Variants in SMC5 observed in about 807,000 individuals in gnomAD.
The protein encoded by SMC5 is structural maintenance of chromosomes 5.
In SMC5, 88 loss-of-function variants were observed where a neutral mutation model predicts 148.3. The observed-to-expected ratio is 0.59, with a 90% CI of 0.50 to 0.71. The LOEUF (loss-of-function observed/expected upper bound fraction) is 0.71, where lower values mean the gene tolerates loss of function less well. Ranked by LOEUF, SMC5 falls within the 30% of genes least tolerant of loss-of-function variation. The pLI, the probability that SMC5 is intolerant of heterozygous loss-of-function variation, is 0.00. For synonymous variants in SMC5, 421 were observed against 432.8 expected, an observed-to-expected ratio of 0.97 and a Z score of 0.34; for missense variants, 1,142 against 1,298.9, an observed-to-expected ratio of 0.88 and a Z score of 1.86.
chr9:70,261,348 A>G (rs1169934466), intron 1 of SMC5, among the ~76,000 whole-genome samples: 1 of 152,202 alleles, frequency 6.6e-6, no homozygotes, highest in Non-Finnish European at 1.5e-5. Flanking sequence ...CAAAAAGACA[A>G]TACGAAGGCA....
At chr9:70,344,031 T>A in intron 17 of SMC5, 113 bp from the exon 18 acceptor site, 2 of 612,232 alleles carry the variant, frequency 3.3e-6, no homozygotes, top group Non-Finnish European at 4.9e-6. Context: ...TTTCAGATAA[T>A]TTGATTATCA....
chr9:70,342,041 A>G (rs970098659), intron 17 of SMC5, among the ~76,000 whole-genome samples: 4 of 150,220 alleles, frequency 2.7e-5, no homozygotes, highest in African/African-American at 9.8e-5. Flanking sequence ...CATATACACC[A>G]TGGAATACTA....
Position 70,286,262 on chromosome 9 carries a change from A to C in SMC5, c.1044A>C (p.Lys348Asn). The C allele has an allele frequency of 3.1e-6, 5 of 1,598,758 alleles. No individual in the cohort carries two copies. Among genetic ancestry groups the C allele is most frequent in the Non-Finnish European group, 4.3e-6 (5 of 1,168,952 alleles). The change falls in exon 8 of 25, where the codon AAA becomes AAC. Residue 348 changes from lysine (K) to asparagine (N), a missense_variant. Around this residue, in one of 5 missense-constraint regions of SMC5, gnomAD observed 743 missense variants for 835.7 expected, o/e 0.89. Coordinates refer to ENST00000361138, the MANE Select transcript of SMC5 (RefSeq NM_015110.4). ...AGAAGCAAGATGTTATAGAAAGGAA[A>C]GATAAACATGTAAGGTTTCATACTA... ...CKQKQDVIER[K>N]DKHIEELQQA...
chr9:70,319,118 T>C (rs1295016207), intron 15 of SMC5, among the ~76,000 whole-genome samples, 155 bp downstream of exon 15: 2 of 152,218 alleles, frequency 1.3e-5, no homozygotes, highest in East Asian at 1.9e-4. Context: ...TTTTATTCCA[T>C]AGGGCAAAAG....
In SMC5 at chr9:70,297,950, A is replaced by G. The variant is rs2035245619; in HGVS notation, c.1054-16A>G. ...GGAAAACAGTCTCAAGTACTAACCT[A>G]CTTTTGTTTTATTAGATTGAGGAAC... On this transcript the variant is annotated splice_polypyrimidine_tract_variant and intron_variant, in intron 8 of 24. Transcript: ENST00000361138. 6 of 1,605,860 alleles carry G rather than the reference A, an allele frequency of 3.7e-6. No homozygotes were observed. Among genetic ancestry groups the G allele is most frequent in the Non-Finnish European group, 5.1e-6 (6 of 1,177,618 alleles).
At position 70,280,195 on chromosome 9, in the gene SMC5, A is replaced by C. The variant is rs1378882167; in HGVS notation, c.679-564A>C. Among the ~76,000 whole-genome samples, 5 of 152,048 alleles carry C rather than the reference A, an allele frequency of 3.3e-5. No individual in the cohort carries two copies. The East Asian group carries it at 9.6e-4, about 29-fold the overall frequency. ...AGTTTCACTTGAAACACTCACCTAC[A>C]CTCTTGACCATCCGCTGAAAGAAAA... is the stretch of plus-strand genomic sequence containing the variant. On this transcript the variant is annotated intron_variant, in intron 5 of 24. Transcript: ENST00000361138.
intron 15 of SMC5, among the ~76,000 whole-genome samples, chr9:70,322,085 G>T (rs749890064): frequency 2.0e-5 from 3 of 152,032 alleles, no homozygotes; most frequent in Admixed American, 6.6e-5. Flanking sequence ...AGGAAGATTT[G>T]TTCTTTGTTG....
chr9:70,346,362 T>C, intron 18 of SMC5: 1 of 559,518 alleles, frequency 1.8e-6, no homozygotes, highest in East Asian at 2.9e-5. Flanking sequence ...ATGTAGTATA[T>C]AGCCTTTGCA....
intron 4 of SMC5, 97 bp from the exon 5 acceptor site, chr9:70,278,394 G>A: frequency 8.5e-7 from 1 of 1,176,976 alleles, no homozygotes. Flanking sequence ...TTTTTTTAAT[G>A]AGTTTCACCT....
chr9:70,312,376 C>A (rs902113163), intron 11 of SMC5, among the ~76,000 whole-genome samples: 1 of 152,018 alleles, frequency 6.6e-6, no homozygotes, highest in Non-Finnish European at 1.5e-5. Context: ...TGGGGGAAAC[C>A]GCCCCCATGA....
chr9:70,297,874 A>G, intron 8 of SMC5, 92 bp from the exon 9 acceptor site: 1 of 1,404,172 alleles, frequency 7.1e-7, no homozygotes, highest in Non-Finnish European at 9.6e-7. Flanking sequence ...CCTATGTTAG[A>G]TTGTTTGCAT....
intron 11 of SMC5, among the ~76,000 whole-genome samples, chr9:70,312,684 T>C (rs2035690602): frequency 6.6e-6 from 1 of 152,242 alleles, no homozygotes; most frequent in African/African-American, 2.4e-5. Context: ...TCTACTAAGA[T>C]GATAATATGG....
chr9:70,269,451 G>A (rs970753692), intron 3 of SMC5, among the ~76,000 whole-genome samples: 2 of 151,990 alleles, frequency 1.3e-5, no homozygotes, highest in African/African-American at 2.4e-5. Flanking sequence ...GCCTGGCTGC[G>A]CACCTGTAGT....
Position 70,318,604 on chromosome 9 carries a change from A to G in SMC5, c.1897A>G (p.Ser633Gly), listed in dbSNP as rs1426402865. Residue 633 changes from serine (S) to glycine (G), a missense_variant, in exon 14 of 25, where the codon AGT becomes GGT. Transcript: ENST00000361138. ...TSFYSNKVIS[S>G]NTSLKVAQFL... ...TTTTTATTCAAACAAAGTTATTTCT[A>G]GTAACACATCTCTAAAAGTAGCGCA... The G allele has an allele frequency of 1.9e-6, 3 of 1,613,076 alleles. No homozygotes were observed. In the South Asian group the frequency reaches 3.3e-5, roughly 18 times the overall value.
At chr9:70,282,653 G>T in intron 7 of SMC5, 70 bp downstream of exon 7, 1 of 1,428,642 alleles carries the variant, frequency 7.0e-7, no homozygotes, top group Non-Finnish European at 9.4e-7. Flanking sequence ...TTTTGCAGGT[G>T]TTTGAAAATA....
chr9:70,274,361 G>A (rs2034530707), intron 3 of SMC5, among the ~76,000 whole-genome samples: 1 of 152,248 alleles, frequency 6.6e-6, no homozygotes, highest in South Asian at 2.1e-4. Flanking sequence ...GATTACAGGC[G>A]TGAGCCACTG....
chr9:70,341,292 G>A (rs948473478), intron 17 of SMC5, among the ~76,000 whole-genome samples: 1 of 152,152 alleles, frequency 6.6e-6, no homozygotes, highest in African/African-American at 2.4e-5. Flanking sequence ...TCTAAGTCCA[G>A]AGCTTCAAAT....
intron 11 of SMC5, among the ~76,000 whole-genome samples, chr9:70,314,429 C>A (rs1003589553): frequency 2.4e-4 from 37 of 152,136 alleles, no homozygotes; most frequent in Non-Finnish European, 4.7e-4. Flanking sequence ...AAAAGTTAGT[C>A]CAATACAAGA....
At chr9:70,317,228 C>T (rs1242556831) in intron 13 of SMC5, among the ~76,000 whole-genome samples, 2 of 151,988 alleles carry the variant, frequency 1.3e-5, no homozygotes, top group East Asian at 1.9e-4. Flanking sequence ...GTATCTCTTC[C>T]TCAGAATAAA....
Sources: allele counts gnomAD v4.1 joint callset (sites outside exome capture counted in the v4.1 genomes callset), GRCh38; gene constraint gnomAD v4.1.1; regional missense constraint gnomAD v4.1.1; transcripts MANE v1.5; gene names NCBI Gene and HGNC (gene_info 2026-07-23, HGNC 2026-07-21).